Variants in FOXP2 observed in about 807,000 individuals in gnomAD.
FOXP2 encodes forkhead box protein P2.
FOXP2 carries 12 observed loss-of-function variants against 115.8 expected under a neutral mutation model. The observed-to-expected ratio is 0.10, with a 90% CI of 0.07 to 0.17. The LOEUF (loss-of-function observed/expected upper bound fraction) is 0.17. FOXP2 is among the 10% of genes least tolerant of loss of function. The probability of loss-of-function intolerance (pLI) is 1.00; values close to 1 mark genes in which losing one functional copy is unlikely to be tolerated. For synonymous variants in FOXP2, 328 were observed against 297.7 expected (o/e 1.10, Z -1.05); for missense variants, 629 against 843.5 (o/e 0.75, Z 3.15).
At chr7:114,505,411 C>A (rs943182789) in intron 2 of FOXP2, among the ~76,000 whole-genome samples, 1 of 151,380 alleles carries the variant, frequency 6.6e-6, no homozygotes, top group Non-Finnish European at 1.5e-5. Context: ...AAATGTCAGG[C>A]TTTTCATTAT....
chr7:114,245,008 C>T (rs1433755076), intron 1 of FOXP2, among the ~76,000 whole-genome samples: 1 of 152,174 alleles, frequency 6.6e-6, no homozygotes, highest in Non-Finnish European at 1.5e-5. Context: ...GTGATCCGCC[C>T]GCCTCGGCCT....
upstream of FOXP2, among the ~76,000 whole-genome samples, chr7:114,410,112 TTTG>T (rs1793128376): frequency 6.6e-6 from 1 of 152,150 alleles, no homozygotes; most frequent in Non-Finnish European, 1.5e-5. Flanking sequence ...TATAGACTTC[TTTG>T]TTCTCTCAGC....
At chr7:114,505,507 A>G (rs1797762737) in intron 2 of FOXP2, among the ~76,000 whole-genome samples, 1 of 151,368 alleles carries the variant, frequency 6.6e-6, no homozygotes, top group Non-Finnish European at 1.5e-5. Flanking sequence ...TATCAATTTT[A>G]TAAATTATTT....
At chr7:114,634,311 T>C (rs2129329454) in intron 6 of FOXP2, among the ~76,000 whole-genome samples, 1 of 152,250 alleles carries the variant, frequency 6.6e-6, no homozygotes, top group African/African-American at 2.4e-5. Context: ...CTATGTCATA[T>C]TTTATTTGTC....
At chr7:114,257,889 A>G (rs1462258382) in intron 1 of FOXP2, among the ~76,000 whole-genome samples, 1 of 152,226 alleles carries the variant, frequency 6.6e-6, no homozygotes, top group African/African-American at 2.4e-5. Flanking sequence ...GTATGCTTAA[A>G]GAACAACAAG....
intron 1 of FOXP2, among the ~76,000 whole-genome samples, chr7:114,186,291 A>C (rs1312101895): frequency 6.6e-6 from 1 of 152,182 alleles, no homozygotes; most frequent in Non-Finnish European, 1.5e-5. Context: ...AGAGTTTCAC[A>C]TATGGGTGAG....
chr7:114,392,472 A>C (rs1376684944), intron 2 of FOXP2, among the ~76,000 whole-genome samples: 2 of 152,238 alleles, frequency 1.3e-5, no homozygotes, highest in Non-Finnish European at 2.9e-5. Context: ...AATGTCCAGC[A>C]GTGGAATGAT....
At chr7:114,090,368 T>C (rs111380131) in intron 1 of FOXP2, among the ~76,000 whole-genome samples, 178 of 152,056 alleles carry the variant, frequency 1.2e-3, no homozygotes, top group Non-Finnish European at 2.2e-3. Context: ...ATAGTAGTTG[T>C]CTTATTCATA....
chr7:114,441,095 T>G (rs1251862476), intron 2 of FOXP2, among the ~76,000 whole-genome samples: 1 of 152,158 alleles, frequency 6.6e-6, no homozygotes, highest in Non-Finnish European at 1.5e-5. Context: ...TTTTTATCCA[T>G]GTGTACATAA....
chr7:114,548,218 C>T (rs919214784), intron 3 of FOXP2, among the ~76,000 whole-genome samples: 22 of 152,234 alleles, frequency 1.4e-4, no homozygotes, highest in African/African-American at 4.3e-4. Flanking sequence ...AGACCAGCTG[C>T]AGCTGTCCCC....
intron 1 of FOXP2, among the ~76,000 whole-genome samples, chr7:114,281,050 T>C (rs1796322785): frequency 2.6e-5 from 4 of 151,738 alleles, no homozygotes; most frequent in African/African-American, 9.7e-5. Context: ...AGATGTTTAG[T>C]AATTGCAATG....
At chr7:114,222,181 G>A (rs1270870290) in intron 1 of FOXP2, among the ~76,000 whole-genome samples, 1 of 152,154 alleles carries the variant, frequency 6.6e-6, no homozygotes, top group Non-Finnish European at 1.5e-5. Context: ...TGTTCAGACA[G>A]GATTTCCTGT....
intron 1 of FOXP2, among the ~76,000 whole-genome samples, chr7:114,184,065 C>T (rs1793528636): frequency 6.6e-6 from 1 of 152,128 alleles, no homozygotes; most frequent in Non-Finnish European, 1.5e-5. Context: ...TTTACAGATG[C>T]TTAAAATGCA....
intron 2 of FOXP2, among the ~76,000 whole-genome samples, chr7:114,304,936 T>A (rs567456587): frequency 3.3e-5 from 5 of 152,222 alleles, no homozygotes; most frequent in Admixed American, 1.3e-4. Flanking sequence ...ACATTAACTA[T>A]ACAAATAGTA....
intron 1 of FOXP2, among the ~76,000 whole-genome samples, chr7:114,264,098 T>A (rs796924069): frequency 6.6e-6 from 1 of 152,098 alleles, no homozygotes; most frequent in Non-Finnish European, 1.5e-5. Flanking sequence ...TCAAGGTGGC[T>A]GTGAGGTCAA....
chr7:114,580,844 C>G (rs532527200), intron 3 of FOXP2, among the ~76,000 whole-genome samples: 1 of 151,968 alleles, frequency 6.6e-6, no homozygotes, highest in East Asian at 1.9e-4. Flanking sequence ...GTTCAGTAGG[C>G]AGTTAGCACT....
chr7:114,323,168 C>G (rs1797470264), intron 2 of FOXP2, among the ~76,000 whole-genome samples: 1 of 152,108 alleles, frequency 6.6e-6, no homozygotes, highest in Admixed American at 6.6e-5. Context: ...TGAATTTAAA[C>G]ACATCAGAGC....
chr7:114,576,571 G>A (rs566662148), intron 3 of FOXP2, among the ~76,000 whole-genome samples: 1 of 151,866 alleles, frequency 6.6e-6, no homozygotes, highest in East Asian at 1.9e-4. Flanking sequence ...TATTTATTTA[G>A]TCAGTGGTTT....
intron 2 of FOXP2, among the ~76,000 whole-genome samples, chr7:114,453,663 G>C (rs1036868013): frequency 6.6e-6 from 1 of 151,986 alleles, no homozygotes; most frequent in Admixed American, 6.6e-5. Context: ...TTCTTTGGCA[G>C]CATTTGTCCC....
Sources: allele counts gnomAD v4.1 joint callset (sites outside exome capture counted in the v4.1 genomes callset), GRCh38; gene constraint gnomAD v4.1.1; transcripts MANE v1.5; gene names NCBI Gene and HGNC (gene_info 2026-07-23, HGNC 2026-07-21).